Variants in GTF3C3 observed in about 807,000 individuals in gnomAD.
GTF3C3 encodes general transcription factor 3C polypeptide 3.
A neutral mutation model predicts 105.2 loss-of-function variants in GTF3C3; 75 were observed. The observed-to-expected ratio is 0.71, with a 90% CI of 0.59 to 0.86. GTF3C3 has a LOEUF of 0.86. Among genes scored for constraint, GTF3C3 ranks in the 40% least tolerant of loss-of-function variants. The pLI, the probability that GTF3C3 is intolerant of heterozygous loss-of-function variation, is 0.00. For missense variants in GTF3C3, 856 were observed against 1,076.5 expected (o/e 0.80, Z 2.87); for synonymous variants, 335 against 370.4 (o/e 0.90, Z 1.10).
chr2:196,785,590 TA>T lies in GTF3C3; in HGVS notation c.894-3del, dbSNP rs35643383. On this transcript the variant is annotated splice_polypyrimidine_tract_variant and splice_region_variant and intron_variant, in intron 6 of 17. Coordinates refer to ENST00000263956, the MANE Select transcript of GTF3C3 (RefSeq NM_012086.5). ...ACATCATTGGCTTCATAGTAACTCCTAAAAAAAAGTGGCAAAATGGATGAAT... is the reference window on the plus strand; with the variant it reads ...ACATCATTGGCTTCATAGTAACTCCTAAAAAAAGTGGCAAAATGGATGAAT... The T allele has an allele frequency of 5.1e-5, 80 of 1,583,772 alleles. No homozygotes were observed. Among genetic ancestry groups the T allele is most frequent in the South Asian group, 9.1e-5 (8 of 87,798 alleles).
chr2:196,775,473 G>A (rs970838167), intron 12 of GTF3C3, among the ~76,000 whole-genome samples: 6 of 152,062 alleles, frequency 3.9e-5, no homozygotes, highest in Admixed American at 2.6e-4. Flanking sequence ...CCACAAGACT[G>A]AAAGCTCCCT....
intron 15 of GTF3C3, among the ~76,000 whole-genome samples, chr2:196,770,251 A>G (rs147873002): frequency 9.1e-4 from 139 of 152,378 alleles, no homozygotes; most frequent in African/African-American, 3.3e-3. Flanking sequence ...GAAGATTCAT[A>G]TGAGGAACTA....
At chr2:196,793,257 T>A (rs1699584829) in intron 2 of GTF3C3, 105 bp from the exon 3 acceptor site, 2 of 761,848 alleles carry the variant, frequency 2.6e-6, no homozygotes, top group Non-Finnish European at 4.3e-6. Flanking sequence ...AACACCAAAT[T>A]TGAAAGTAAA....
intron 6 of GTF3C3, among the ~76,000 whole-genome samples, chr2:196,787,549 C>G (rs1271597941): frequency 6.6e-6 from 1 of 152,098 alleles, no homozygotes; most frequent in Non-Finnish European, 1.5e-5. Flanking sequence ...TGTTCTCGTA[C>G]CTACTTCAGT....
rs529158970 is a variant in GTF3C3, at chr2:196,799,277, G to A, written c.102+233C>T. On this transcript the variant is annotated intron_variant, in intron 1 of 17. Coordinates refer to ENST00000263956, the MANE Select transcript of GTF3C3 (RefSeq NM_012086.5). Reference sequence around the variant, plus strand: ...ACCCTGAAATAAAAACGTAGTATTGGGGGAAAAAGAAGAGGTTACCACCAA... The same window carrying A: ...ACCCTGAAATAAAAACGTAGTATTGAGGGAAAAAGAAGAGGTTACCACCAA... The A allele has an allele frequency of 1.9e-5, 9 of 485,172 alleles. No individual in the cohort carries two copies. The Admixed American group carries it at 3.1e-4, about 17-fold the overall frequency. The allele number at this position is 485,172 out of a possible 1,614,324, so 30.1% of individuals were successfully genotyped here.
chr2:196,789,094 C>CA, intron 6 of GTF3C3, 110 bp downstream of exon 6: 3 of 923,102 alleles, frequency 3.2e-6, no homozygotes, highest in Admixed American at 2.7e-5. Flanking sequence ...ACACATAAGG[C>CA]AAAACACTTC....
chr2:196,799,120 G>A (rs1038832841), intron 1 of GTF3C3: 5 of 168,584 alleles, frequency 3.0e-5, no homozygotes, highest in African/African-American at 1.2e-4. Context: ...AGGAGACATT[G>A]GGGCCTAAAG....
rs1223909653 is a variant in GTF3C3 at position 196,790,017 on chromosome 2, C to T, written c.589G>A (p.Gly197Ser). The T allele has an allele frequency of 1.2e-6, 2 of 1,613,324 alleles. No individual in the cohort carries two copies. Among genetic ancestry groups the T allele is most frequent in the Non-Finnish European group, 1.7e-6 (2 of 1,179,724 alleles). ...AACTGCAATGATTTTTCCATGTCAC[C>T]TTGGTCCTCATATATCATGGCTAGA... is the stretch of plus-strand genomic sequence containing the variant. ...STLAMIYEDQ[G>S]DMEKSLQFEL... Residue 197 changes from glycine (G) to serine (S), a missense_variant, in exon 5 of 18, where the codon GGT becomes AGT. By Grantham distance (56) the Gly-to-Ser change is moderately conservative (BLOSUM62 0). Coordinates refer to ENST00000263956, the MANE Select transcript of GTF3C3 (RefSeq NM_012086.5).
chr2:196,783,748 T>C (rs1699407275), intron 8 of GTF3C3, among the ~76,000 whole-genome samples: 1 of 152,150 alleles, frequency 6.6e-6, no homozygotes, highest in Admixed American at 6.5e-5. Context: ...CTCCTCTATT[T>C]TCCCATAACA....
chr2:196,776,420 G>A lies in GTF3C3; in HGVS notation c.1593+7C>T, dbSNP rs1699260185. The A allele has an allele frequency of 1.2e-6, 2 of 1,609,724 alleles. No individual in the cohort carries two copies. Among genetic ancestry groups the A allele is most frequent in the East Asian group, 2.2e-5 (1 of 44,818 alleles). ...AGAAAAACTTCCCTCTATGTGACAT[G>A]GCCCACCTGCTGTGCAGCATTTGCA... is the stretch of plus-strand genomic sequence containing the variant. On this transcript the variant is annotated splice_region_variant and intron_variant, in intron 11 of 17. Transcript: ENST00000263956. This position sits in a 1 kb window ranked among gnomAD's most constrained non-coding sequence, Gnocchi z 4.5.
At chr2:196,785,004 T>G in intron 7 of GTF3C3, 75 bp from the exon 8 acceptor site, 1 of 946,830 alleles carries the variant, frequency 1.1e-6, no homozygotes, top group Non-Finnish European at 1.6e-6. Context: ...ATTTGTACAG[T>G]TATTTCAAAT....
chr2:196,797,156 T>A (rs1699661192), intron 2 of GTF3C3, among the ~76,000 whole-genome samples: 1 of 152,242 alleles, frequency 6.6e-6, no homozygotes, highest in Non-Finnish European at 1.5e-5. Flanking sequence ...TGGTAGTAAA[T>A]GGATACCCTG....
intron 8 of GTF3C3, among the ~76,000 whole-genome samples, chr2:196,782,242 AG>A (rs1699378991): frequency 6.6e-6 from 1 of 152,162 alleles, no homozygotes; most frequent in African/African-American, 2.4e-5. Context: ...CTATGAGAAA[AG>A]GGCCCTCACC....
intron 1 of GTF3C3, 83 bp downstream of exon 1, chr2:196,799,427 T>C: frequency 2.0e-6 from 2 of 1,004,762 alleles, no homozygotes; most frequent in South Asian, 1.3e-5. Context: ...CCCATCACAG[T>C]GAAAGCGGTC....
chr2:196,791,757 G>A, intron 3 of GTF3C3: 1 of 259,214 alleles, frequency 3.9e-6, no homozygotes, highest in Non-Finnish European at 7.6e-6. Flanking sequence ...CCAACAGAGT[G>A]AAACCCGTCT....
At chr2:196,766,492 G>T in intron 17 of GTF3C3, 73 bp downstream of exon 17, 3 of 1,107,258 alleles carry the variant, frequency 2.7e-6, no homozygotes, top group South Asian at 1.6e-5. Flanking sequence ...TAATTTACTG[G>T]CTGGACTTAG....
chr2:196,791,426 A>G lies in GTF3C3; in HGVS notation c.446T>C (p.Leu149Pro). 2 of 1,613,834 alleles carry G rather than the reference A, an allele frequency of 1.2e-6. No individual in the cohort carries two copies. Among genetic ancestry groups the G allele is most frequent in the Non-Finnish European group, 1.7e-6 (2 of 1,179,728 alleles). Residue 149 changes from leucine to proline, a missense_variant, in exon 4 of 18, where the codon CTG becomes CCG. This residue lies in a region of GTF3C3 where 605 missense variants were observed against 833.6 expected (regional missense o/e 0.73). Transcript: ENST00000263956. Reference protein sequence around the residue: ...KRPRSKLPRALRGLMGEANIR... With the variant: ...KRPRSKLPRAPRGLMGEANIR... ...GTTGGCTTCACCCATGAGACCTCTC[A>G]GAGCTCTGGGAAGTTTACTCCGAGG...
intron 4 of GTF3C3, 79 bp downstream of exon 4, chr2:196,791,258 G>T: frequency 7.3e-7 from 1 of 1,361,070 alleles, no homozygotes; most frequent in Non-Finnish European, 1.0e-6. Context: ...TTTCCAAATA[G>T]TACTGTGAAG....
intron 3 of GTF3C3, among the ~76,000 whole-genome samples, chr2:196,792,651 T>C (rs1356857150): frequency 1.3e-5 from 2 of 152,164 alleles, no homozygotes; most frequent in African/African-American, 4.8e-5. Flanking sequence ...TGTATTTAAT[T>C]TTTTGAGACA....
Sources: gnomAD v4.1 joint callset for allele counts (sites outside exome capture counted in the v4.1 genomes callset) on GRCh38, gnomAD v4.1.1 for gene constraint, gnomAD v4.1.1 regional missense constraint, Gnocchi (gnomAD v3.1) non-coding constraint, MANE v1.5 for transcripts, NCBI Gene and HGNC (gene_info 2026-07-23, HGNC 2026-07-21) for gene names.